PAQR3: variants seen among roughly 807,000 people sequenced by gnomAD.
PAQR3 encodes progestin and adipoQ receptor family member 3.
A neutral mutation model predicts 41.7 loss-of-function variants in PAQR3; 39 were observed. The observed-to-expected ratio is 0.93, with a 90% CI of 0.72 to 1.22. The LOEUF (loss-of-function observed/expected upper bound fraction) is 1.22. Ranked by LOEUF, PAQR3 falls within the 50% of genes most tolerant of loss-of-function variation. The pLI, the probability that PAQR3 is intolerant of heterozygous loss-of-function variation, is 0.00. For missense variants in PAQR3, 366 were observed against 385.6 expected (o/e 0.95, Z 0.42); for synonymous variants, 140 against 140.6 (o/e 1.00, Z 0.03).
intron 1 of PAQR3, among the ~76,000 whole-genome samples, 168 bp downstream of exon 1, chr4:78,938,872 G>C (rs1402901075): frequency 6.6e-6 from 1 of 151,650 alleles, no homozygotes; most frequent in Admixed American, 6.6e-5. Context: ...ACCCCGGCCA[G>C]GTAAGGGGAG....
At chr4:78,922,947 A>G (rs1735812117) in intron 5 of PAQR3, 2 of 456,088 alleles carry the variant, frequency 4.4e-6, no homozygotes, top group South Asian at 3.1e-5. Flanking sequence ...CACTCCACCC[A>G]GTGTCCTCTT....
chr4:78,922,157 A>G (rs1197733253), intron 5 of PAQR3: 1 of 1,030,958 alleles, frequency 9.7e-7, no homozygotes, highest in Non-Finnish European at 1.2e-6. Context: ...TGTTTTCTGT[A>G]ATTCTGGCCC....
At chr4:78,910,524 G>C, downstream of PAQR3, 1 of 1,098,102 alleles carries the variant, frequency 9.1e-7, no homozygotes, top group Non-Finnish European at 1.3e-6. Flanking sequence ...GATTTGTAAT[G>C]CCATGTGTAA....
At chr4:78,922,465 A>T (rs1735750261) in intron 5 of PAQR3, 3 of 1,268,862 alleles carry the variant, frequency 2.4e-6, no homozygotes, top group Non-Finnish European at 3.1e-6. Context: ...GTTTAGATTT[A>T]AACTGCTCCC....
chr4:78,928,662 G>A (rs1412626383), intron 3 of PAQR3, among the ~76,000 whole-genome samples: 6 of 152,218 alleles, frequency 3.9e-5, no homozygotes, highest in East Asian at 1.9e-4. Flanking sequence ...GGTCTCCAGC[G>A]TTTCTGGCAC....
intron 2 of PAQR3, chr4:78,933,224 TATA>T (rs1346909581): frequency 2.2e-6 from 1 of 456,302 alleles, no homozygotes; most frequent in African/African-American, 2.0e-5. Flanking sequence ...CGATGCCTTG[TATA>T]GTGTCTGGAT....
rs1324071835 is a variant in PAQR3 at position 78,912,822 on chromosome 4, A to G, written c.*7717T>C. ...GCCTAGAACAAAAATATGAAGAGAAATATCTGACATTTGTAAAGAAATTAT... is the reference window on the plus strand; with the variant it reads ...GCCTAGAACAAAAATATGAAGAGAAGTATCTGACATTTGTAAAGAAATTAT... On this transcript the variant is annotated 3_prime_UTR_variant, in exon 6 of 6. Coordinates refer to ENST00000512733, the MANE Select transcript of PAQR3 (RefSeq NM_001040202.2). 3 of 152,168 alleles carry G rather than the reference A, an allele frequency of 2.0e-5. No individual in the cohort carries two copies. The highest frequency in any genetic ancestry group is 7.2e-5 in the African/African-American group (3 of 41,450). The allele number at this position is 152,168 out of a possible 1,614,324, so 9.4% of individuals were successfully genotyped here.
At chr4:78,926,978 C>T (rs1203729994) in intron 3 of PAQR3, among the ~76,000 whole-genome samples, 1 of 152,110 alleles carries the variant, frequency 6.6e-6, no homozygotes, top group Non-Finnish European at 1.5e-5. Flanking sequence ...TATTATCTGC[C>T]AGGCACAGTT....
Position 78,918,898 on chromosome 4 carries a change from CA to C in PAQR3, c.*1640del. On this transcript the variant is annotated 3_prime_UTR_variant, in exon 6 of 6. Coordinates refer to ENST00000512733, the MANE Select transcript of PAQR3 (RefSeq NM_001040202.2). ...GAAATATATCCTACTACTGTTGCAC[CA>C]AAATCTTCTATCACTTAACATATGG... 1.0e-6 allele frequency: 1 copy of C among 984,816 alleles called. No homozygotes were observed. The highest frequency in any genetic ancestry group is 1.2e-6 in the Non-Finnish European group (1 of 829,602). The allele number at this position is 984,816 out of a possible 1,614,324, so 61.0% of individuals were successfully genotyped here. A position where few individuals can be genotyped will look rare whatever the true frequency, so the allele number is the denominator to read the frequency against.
intron 11 of PAQR3, among the ~76,000 whole-genome samples, chr4:78,889,170 G>A (rs182327125): frequency 3.5e-5 from 5 of 143,326 alleles, no homozygotes; most frequent in Admixed American, 1.5e-4. Flanking sequence ...GCAGTGAGCC[G>A]AGATCGTGCC....
chr4:78,904,822 C>CA (rs1734204319), intron 11 of PAQR3, among the ~76,000 whole-genome samples: 1 of 151,752 alleles, frequency 6.6e-6, no homozygotes, highest in Admixed American at 6.6e-5. Context: ...TCAATAAGAG[C>CA]ATAATTATTA....
In PAQR3 at chr4:78,919,195, T is replaced by G; in HGVS notation, c.*1344A>C. 1 of 985,090 alleles carries G rather than the reference T, an allele frequency of 1.0e-6. No individual in the cohort carries two copies. Among genetic ancestry groups the G allele is most frequent in the Non-Finnish European group, 1.2e-6 (1 of 829,732 alleles). 61.0% of individuals were successfully genotyped at this position (985,090 alleles called of 1,614,324 possible). The stretch of plus-strand genomic sequence containing the variant: ...TTTTGGGAATAAGCTTCATCATCAA[T>G]TAACATTTTTTCTGATATTCAGTAA... On this transcript the variant is annotated 3_prime_UTR_variant, in exon 6 of 6. Coordinates refer to ENST00000512733, the MANE Select transcript of PAQR3 (RefSeq NM_001040202.2).
In PAQR3 at chr4:78,920,089, C is replaced by G; in HGVS notation, c.*450G>C. 1 of 985,686 alleles carries G rather than the reference C, an allele frequency of 1.0e-6. No individual in the cohort carries two copies. The highest frequency in any genetic ancestry group is 1.2e-6 in the Non-Finnish European group (1 of 829,844). The allele number at this position is 985,686 out of a possible 1,614,324, so 61.1% of individuals were successfully genotyped here. On this transcript the variant is annotated 3_prime_UTR_variant, in exon 6 of 6. Coordinates refer to ENST00000512733, the MANE Select transcript of PAQR3 (RefSeq NM_001040202.2). ...TGATTTTAGTGATTATTTAAAATCA[C>G]TATCCTAGCTTGCATTAAGCATAGG... is the stretch of plus-strand genomic sequence containing the variant.
chr4:78,927,891 C>T (rs752861397), intron 3 of PAQR3, among the ~76,000 whole-genome samples: 31 of 152,188 alleles, frequency 2.0e-4, no homozygotes, highest in Non-Finnish European at 2.9e-4. Flanking sequence ...AAAGTGCATT[C>T]TACTGGATCT....
chr4:78,900,559 G>A (rs1052123173), intron 11 of PAQR3, among the ~76,000 whole-genome samples: 1 of 152,072 alleles, frequency 6.6e-6, no homozygotes, highest in Non-Finnish European at 1.5e-5. Flanking sequence ...TTTGTGATAG[G>A]GAATTAAGGA....
chr4:78,937,612 T>C (rs1290374703), intron 1 of PAQR3, among the ~76,000 whole-genome samples: 1 of 151,832 alleles, frequency 6.6e-6, no homozygotes, highest in African/African-American at 2.4e-5. Flanking sequence ...AGAATCTTAC[T>C]GAATCTTTTT....
intron 5 of PAQR3, chr4:78,921,756 C>T: frequency 1.0e-6 from 1 of 984,198 alleles, no homozygotes; most frequent in African/African-American, 1.7e-5. Context: ...CCAGGTCATA[C>T]ATGAGGACTT....
intron 11 of PAQR3, among the ~76,000 whole-genome samples, chr4:78,889,642 A>G (rs886111553): frequency 1.3e-5 from 2 of 152,214 alleles, no homozygotes; most frequent in African/African-American, 2.4e-5. Context: ...GTTCTATCCA[A>G]TGAAAATACA....
At chr4:78,896,431 G>A (rs547035217) in intron 11 of PAQR3, among the ~76,000 whole-genome samples, 2 of 152,210 alleles carry the variant, frequency 1.3e-5, no homozygotes, top group African/African-American at 2.4e-5. Flanking sequence ...TTTGACCCAG[G>A]CAAATCACCT....
Sources: allele counts gnomAD v4.1 joint callset (sites outside exome capture counted in the v4.1 genomes callset), GRCh38; gene constraint gnomAD v4.1.1; transcripts MANE v1.5; gene names NCBI Gene and HGNC (gene_info 2026-07-23, HGNC 2026-07-21).